The following ZNF385C variants were observed in gnomAD, a reference collection of about 807,000 sequenced individuals.
ZNF385C encodes CTD-2132N18.2.
ZNF385C carries 28 observed loss-of-function variants against 35.4 expected under a neutral mutation model. The ratio of observed to expected loss-of-function variants is 0.79; its 90% confidence interval spans 0.59 to 1.08. The LOEUF is 1.08. Among genes scored for constraint, ZNF385C ranks in the 50% least tolerant of loss-of-function variants. ZNF385C has a pLI of 0.00. For synonymous variants in ZNF385C, 248 were observed against 248.2 expected (o/e 1.00, Z 0.01); for missense variants, 605 against 595.6 (o/e 1.02, Z -0.16).
At chr17:42,043,124 G>A in intron 2 of ZNF385C, 3 of 1,232,220 alleles carry the variant, frequency 2.4e-6, no homozygotes, top group South Asian at 8.2e-5. Flanking sequence ...GCCTGGCGGT[G>A]GGCTCCTGAG....
At chr17:42,096,789 G>C (rs1365598824) in intron 1 of ZNF385C, among the ~76,000 whole-genome samples, 1 of 151,898 alleles carries the variant, frequency 6.6e-6, no homozygotes, top group Non-Finnish European at 1.5e-5. Context: ...TGCCTTGGGC[G>C]GGGGCGGGGG....
At chr17:42,035,797 G>A (rs886576249) in intron 3 of ZNF385C, among the ~76,000 whole-genome samples, 9 of 151,668 alleles carry the variant, frequency 5.9e-5, no homozygotes, top group African/African-American at 1.5e-4. Context: ...AAAATGATCC[G>A]CCTGCCTTGG....
chr17:42,028,722 C>G, intron 6 of ZNF385C, 61 bp downstream of exon 6: 1 of 1,501,922 alleles, frequency 6.7e-7, no homozygotes, highest in Non-Finnish European at 8.9e-7. Flanking sequence ...CTGCCCTCAT[C>G]TGGCGAGGCT....
chr17:42,063,045 T>C lies in ZNF385C; in HGVS notation c.12A>G (p.Pro4=). 1 of 651,736 alleles carries C rather than the reference T, an allele frequency of 1.5e-6. No individual in the cohort carries two copies. The highest frequency in any genetic ancestry group is 2.7e-6 in the Non-Finnish European group (1 of 363,804). The allele number at this position is 651,736 out of a possible 1,614,324, so 40.4% of individuals were successfully genotyped here. A position where few individuals can be genotyped will look rare whatever the true frequency, so the allele number is the denominator to read the frequency against. Residue 4 remains proline (P), a synonymous_variant, in exon 2 of 9, where the codon CCA becomes CCG. Transcript: ENST00000692273. Reference sequence around the variant, plus strand: ...TCTCAGCCGGTGGGGGTGGGCTCAGTGGCCGCTTCATATCTGAGTGGATAG... The same window carrying C: ...TCTCAGCCGGTGGGGGTGGGCTCAGCGGCCGCTTCATATCTGAGTGGATAG... MKR[P]LSPPPPAEKE...
At chr17:42,052,967 C>T (rs1233268872) in intron 2 of ZNF385C, among the ~76,000 whole-genome samples, 2 of 152,196 alleles carry the variant, frequency 1.3e-5, no homozygotes, top group African/African-American at 4.8e-5. Flanking sequence ...TGGATAAAAA[C>T]CCAAACTCTG....
intron 2 of ZNF385C, among the ~76,000 whole-genome samples, chr17:42,044,512 A>G (rs2053107098): frequency 6.6e-6 from 1 of 151,324 alleles, no homozygotes; most frequent in Non-Finnish European, 1.5e-5. Flanking sequence ...GCTACTCGGG[A>G]GGCTGAGGCA....
At chr17:42,066,646 T>C (rs117159718) in intron 1 of ZNF385C, among the ~76,000 whole-genome samples, 198 of 152,284 alleles carry the variant, frequency 1.3e-3, no homozygotes, top group Admixed American at 3.6e-3. Context: ...TATGTTGACA[T>C]CCTAATCCCC....
At position 42,089,315 on chromosome 17, in the gene ZNF385C, CTAAATAAATAAA is replaced by C. The variant is rs140225933; in HGVS notation, c.-3+9083_-3+9094del. On this transcript the variant is annotated intron_variant, in intron 1 of 8. Transcript: ENST00000692273. ...TAGGGGACAGAATAAGACCCTGTCT[CTAAATAAATAAA>C]TAAATAAATAAATAAAAATAAAGGC... 6.1e-4 allele frequency among the ~76,000 whole-genome samples: 92 copies of C among 151,644 alleles called. 1 individual carries two copies. Among genetic ancestry groups the C allele is most frequent in the Middle Eastern group, 3.4e-3 (1 of 294 alleles).
intron 1 of ZNF385C, among the ~76,000 whole-genome samples, chr17:42,093,813 G>A (rs1215380943): frequency 6.6e-6 from 1 of 151,154 alleles, no homozygotes; most frequent in East Asian, 2.0e-4. Context: ...CTAACTCCTT[G>A]ACCTCAAGCA....
rs555476311 is a variant in ZNF385C, at chr17:42,034,357, A to G, written c.400-22T>C. ...CCATCTGTGAAGGGAGTGGGAGGGC[A>G]TAATAACTCTGGGGTTGGCTTGGGA... On this transcript the variant is annotated intron_variant, in intron 3 of 8. Coordinates refer to ENST00000692273, the MANE Select transcript of ZNF385C (RefSeq NM_001392013.1). 84 of 1,538,086 alleles carry G rather than the reference A, an allele frequency of 5.5e-5. No individual in the cohort carries two copies. The African/African-American group carries it at 1.0e-3, about 18-fold the overall frequency.
intron 1 of ZNF385C, among the ~76,000 whole-genome samples, chr17:42,082,307 G>A (rs1555659787): frequency 6.6e-6 from 1 of 152,202 alleles, no homozygotes; most frequent in Non-Finnish European, 1.5e-5. Flanking sequence ...CAAAGTGCTG[G>A]GATTACAGGC....
intron 1 of ZNF385C, among the ~76,000 whole-genome samples, chr17:42,080,215 A>G (rs1168808381): frequency 6.6e-6 from 1 of 152,142 alleles, no homozygotes; most frequent in Non-Finnish European, 1.5e-5. Context: ...ATACTGCCCC[A>G]TGGAAGGGAA....
intron 1 of ZNF385C, among the ~76,000 whole-genome samples, chr17:42,081,226 G>T (rs1487788477): frequency 6.6e-6 from 1 of 152,112 alleles, no homozygotes; most frequent in South Asian, 2.1e-4. Flanking sequence ...CAGGATGGAC[G>T]AGGGCTTGCA....
intron 1 of ZNF385C, among the ~76,000 whole-genome samples, chr17:42,078,595 A>C (rs1406386556): frequency 6.6e-6 from 1 of 151,490 alleles, no homozygotes; most frequent in African/African-American, 2.5e-5. Context: ...TTAAACTTTC[A>C]AAGTCTTTGC....
intron 1 of ZNF385C, among the ~76,000 whole-genome samples, chr17:42,068,495 G>A (rs1054664286): frequency 1.3e-5 from 2 of 152,168 alleles, no homozygotes; most frequent in South Asian, 4.1e-4. Context: ...TGTGGGCCAG[G>A]TGTTTGACAA....
chr17:42,035,115 T>G, intron 3 of ZNF385C, among the ~76,000 whole-genome samples: 1 of 35,642 alleles, frequency 2.8e-5, no homozygotes. Context: ...TGAGACTCTG[T>G]CTCAAAAAAA....
At chr17:42,063,322 AGTTTGACAC>A (rs2053493080) in intron 1 of ZNF385C, among the ~76,000 whole-genome samples, 1 of 152,158 alleles carries the variant, frequency 6.6e-6, no homozygotes, top group Admixed American at 6.5e-5. Context: ...TGAGGTCAGG[AGTTTGACAC>A]CAGCCTGACC....
rs1445044458 is a variant in ZNF385C, at chr17:42,084,517, G to A, written c.-3+13893C>T. ...CATCGTCAAATAATAAATAATAATA[G>A]ATCTTCTTTCAGTTACATTTATGAG... is the stretch of plus-strand genomic sequence containing the variant. On this transcript the variant is annotated intron_variant, in intron 1 of 8. Coordinates refer to ENST00000692273, the MANE Select transcript of ZNF385C (RefSeq NM_001392013.1). Among the ~76,000 whole-genome samples the A allele has an allele frequency of 3.3e-5, 5 of 151,986 alleles. No individual in the cohort carries two copies. The East Asian group carries it at 9.6e-4, about 29-fold the overall frequency.
intron 1 of ZNF385C, among the ~76,000 whole-genome samples, chr17:42,094,554 G>A (rs138770322): frequency 1.5e-3 from 235 of 152,280 alleles, no homozygotes; most frequent in African/African-American, 5.2e-3. Flanking sequence ...AGAGCTAGAC[G>A]GGTGGAGAGG....
Sources: allele counts gnomAD v4.1 joint callset (sites outside exome capture counted in the v4.1 genomes callset), GRCh38; gene constraint gnomAD v4.1.1; transcripts MANE v1.5; gene names NCBI Gene and HGNC (gene_info 2026-07-23, HGNC 2026-07-21).